The following TENM3 variants were observed in gnomAD, a reference collection of about 807,000 sequenced individuals.
TENM3 encodes the protein teneurin-3.
TENM3 carries 63 observed loss-of-function variants against 255.1 expected under a neutral mutation model. The ratio of observed to expected loss-of-function variants is 0.25; its 90% CI spans 0.20 to 0.30. TENM3 has a LOEUF of 0.30. Ranked by LOEUF, TENM3 falls within the 10% of genes least tolerant of loss-of-function variation. The pLI is 1.00. For synonymous variants in TENM3, 1,306 were observed against 1,322.3 expected (o/e 0.99, Z 0.27); for missense variants, 2,929 against 3,461.1 (o/e 0.85, Z 3.86).
At chr4:181,848,213 T>C in the TENM3 span, among the ~76,000 whole-genome samples, 4 of 152,320 alleles carry the variant, frequency 2.6e-5, no homozygotes, top group African/African-American at 9.6e-5. Flanking sequence ...TCTTGTACTC[T>C]CCTGTGAAAC....
intron 3 of TENM3, among the ~76,000 whole-genome samples, chr4:182,407,179 C>A (rs773516596): frequency 1.3e-5 from 2 of 152,006 alleles, no homozygotes; most frequent in Admixed American, 1.3e-4. Flanking sequence ...GGACAGAGTT[C>A]GAACGTAAAA....
intron 1 of TENM3, among the ~76,000 whole-genome samples, chr4:182,303,704 A>G (rs1056080672): frequency 1.6e-4 from 24 of 152,158 alleles, no homozygotes; most frequent in Admixed American, 1.6e-3. Flanking sequence ...AAAAGAACCA[A>G]CCTTCTAAGT....
At chr4:181,721,163 G>A in the TENM3 span, among the ~76,000 whole-genome samples, 2 of 152,100 alleles carry the variant, frequency 1.3e-5, no homozygotes, top group South Asian at 2.1e-4. Context: ...AAGGCAGAGA[G>A]GCAAGAAGAT....
At chr4:181,605,584 G>GAAAGAAAGATAGAAAGAAAGAAAGAAA in the TENM3 span, among the ~76,000 whole-genome samples, 5 of 69,194 alleles carry the variant, frequency 7.2e-5, 2 homozygotes, top group Admixed American at 3.2e-4. Flanking sequence ...GAGAAAGAAA[G>GAAAGAAAGATAGAAAGAAAGAAAGAAA]GAAAGAAAGA....
chr4:181,964,095 C>A, the TENM3 span, among the ~76,000 whole-genome samples: 5 of 148,818 alleles, frequency 3.4e-5, no homozygotes, highest in Non-Finnish European at 7.4e-5. Flanking sequence ...AGGTCTCTCC[C>A]AAAAGTCCCC....
chr4:182,744,213 C>T, intron 19 of TENM3: 2 of 903,198 alleles, frequency 2.2e-6, no homozygotes, highest in Non-Finnish European at 2.7e-6. Context: ...ATCCTTTTTA[C>T]ATTTCAATGT....
chr4:182,177,415 C>G (rs964607239), intron 1 of TENM3, among the ~76,000 whole-genome samples: 2 of 152,062 alleles, frequency 1.3e-5, no homozygotes, highest in Non-Finnish European at 2.9e-5. Flanking sequence ...AGGAGCATGT[C>G]CCCGGGCCCT....
chr4:181,607,527 G>C, the TENM3 span, among the ~76,000 whole-genome samples: 1 of 151,236 alleles, frequency 6.6e-6, no homozygotes, highest in African/African-American at 2.4e-5. Context: ...CGGTTCTCCT[G>C]CCTCAGCCTC....
chr4:182,442,859 C>T (rs911012432), intron 3 of TENM3, among the ~76,000 whole-genome samples: 49 of 149,714 alleles, frequency 3.3e-4, no homozygotes, highest in South Asian at 8.4e-4. Flanking sequence ...CACACACACA[C>T]ACACACACAC....
chr4:182,650,747 A>T (rs1433419180), intron 5 of TENM3, among the ~76,000 whole-genome samples: 1 of 136,056 alleles, frequency 7.3e-6, no homozygotes, highest in East Asian at 2.6e-4. Flanking sequence ...AAAGTAGATA[A>T]TATCCTAAGA....
chr4:181,580,657 G>A, the TENM3 span, among the ~76,000 whole-genome samples: 4 of 152,100 alleles, frequency 2.6e-5, no homozygotes, highest in Middle Eastern at 3.2e-3. Flanking sequence ...AGGAGAGATC[G>A]TACAGTAATG....
the TENM3 span, among the ~76,000 whole-genome samples, chr4:181,664,269 A>G: frequency 6.6e-6 from 1 of 152,074 alleles, no homozygotes; most frequent in Admixed American, 6.5e-5. Flanking sequence ...GGCATCCAAG[A>G]CACCAGCCTG....
chr4:181,747,773 TA>T, the TENM3 span, among the ~76,000 whole-genome samples: 1 of 152,050 alleles, frequency 6.6e-6, no homozygotes, highest in East Asian at 1.9e-4. Flanking sequence ...CTAGAATTTT[TA>T]TGATTCTATT....
chr4:181,778,179 A>G, the TENM3 span, among the ~76,000 whole-genome samples: 2 of 152,124 alleles, frequency 1.3e-5, no homozygotes, highest in African/African-American at 4.8e-5. Context: ...ATACATCCTT[A>G]CAATTTATAT....
the TENM3 span, among the ~76,000 whole-genome samples, chr4:182,009,340 C>T: frequency 6.6e-6 from 1 of 152,110 alleles, no homozygotes; most frequent in Non-Finnish European, 1.5e-5. Context: ...AGGAGGCTCT[C>T]CTGGTATGCA....
At chr4:181,573,382 T>C in the TENM3 span, among the ~76,000 whole-genome samples, 2 of 152,162 alleles carry the variant, frequency 1.3e-5, no homozygotes, top group Non-Finnish European at 2.9e-5. Flanking sequence ...TTCCCTTTTT[T>C]CCACATCCTG....
intron 1 of TENM3, among the ~76,000 whole-genome samples, chr4:182,323,689 T>C (rs1032423040): frequency 6.6e-6 from 1 of 152,200 alleles, no homozygotes; most frequent in Admixed American, 6.5e-5. Context: ...ACAATTTTTT[T>C]TTTGTATTAA....
chr4:182,790,532 G>A (rs1156934937), intron 25 of TENM3, among the ~76,000 whole-genome samples: 4 of 152,128 alleles, frequency 2.6e-5, no homozygotes, highest in Admixed American at 6.5e-5. Context: ...CTCACTGTAG[G>A]ATGCTACCTC....
intron 1 of TENM3, among the ~76,000 whole-genome samples, chr4:182,255,196 A>G (rs1025596576): frequency 1.3e-5 from 2 of 152,162 alleles, no homozygotes. Flanking sequence ...CCCCTTGCAC[A>G]TGTTAGACAG....
Sources: allele counts gnomAD v4.1 joint callset (sites outside exome capture counted in the v4.1 genomes callset), GRCh38; gene constraint gnomAD v4.1.1; transcripts MANE v1.5; gene names NCBI Gene and HGNC (gene_info 2026-07-23, HGNC 2026-07-21).